The following CCDC178 variants were observed in gnomAD, a reference collection of about 807,000 sequenced individuals.
CCDC178 encodes coiled-coil domain containing 178, also known as coiled-coil domain-containing protein 178.
In CCDC178, 126 loss-of-function variants were observed where a neutral mutation model predicts 117.4. The ratio of observed to expected loss-of-function variants is 1.07; its 90% CI spans 0.93 to 1.24. The LOEUF (loss-of-function observed/expected upper bound fraction) is 1.24, where lower values mean the gene tolerates loss of function less well. Ranked by LOEUF, CCDC178 falls within the 50% of genes most tolerant of loss-of-function variation. The pLI, the probability that CCDC178 is intolerant of heterozygous loss-of-function variation, is 0.00. For synonymous variants in CCDC178, 283 were observed against 313.4 expected (o/e 0.90, Z 1.02); for missense variants, 1,030 against 986.9 (o/e 1.04, Z -0.59).
intron 21 of CCDC178, among the ~76,000 whole-genome samples, chr18:32,976,231 G>A (rs2055024816): frequency 6.6e-6 from 1 of 152,036 alleles, no homozygotes; most frequent in African/African-American, 2.4e-5. Context: ...AAAAAATTGT[G>A]TTTTCTTTAG....
intron 11 of CCDC178, among the ~76,000 whole-genome samples, chr18:33,305,022 T>C (rs1305789700): frequency 6.6e-6 from 1 of 152,202 alleles, no homozygotes; most frequent in Non-Finnish European, 1.5e-5. Context: ...TTCTGTGTTC[T>C]GCACTGCTTG....
intron 22 of CCDC178, among the ~76,000 whole-genome samples, chr18:32,944,052 G>A (rs947048394): frequency 4.6e-5 from 7 of 152,134 alleles, no homozygotes; most frequent in African/African-American, 1.7e-4. Context: ...GGCTTAAAGT[G>A]GAAAAGTAGC....
rs761380398 is a variant in CCDC178 at position 33,073,551 on chromosome 18, C to CTATCTATCTATA, written c.2388+19209_2388+19210insTATAGATAGATA. Among the ~76,000 whole-genome samples the CTATCTATCTATA allele has an allele frequency of 2.1e-4, 22 of 107,034 alleles. 1 individual carries two copies. The highest frequency in any genetic ancestry group is 1.5e-3 in the East Asian group (6 of 3,928). The allele number at this position is 107,034 out of a possible 152,430, so 70.2% of individuals were successfully genotyped here. ...TCTATCTATCTATCTATCTATCTAT[C>CTATCTATCTATA]TATATATATATCTTTGCAGACTTTC... On this transcript the variant is annotated intron_variant, in intron 21 of 22. Transcript: ENST00000383096.
intron 21 of CCDC178, among the ~76,000 whole-genome samples, chr18:33,049,390 T>C (rs2056703259): frequency 6.6e-6 from 1 of 152,198 alleles, no homozygotes; most frequent in Non-Finnish European, 1.5e-5. Flanking sequence ...ACATCTGCAT[T>C]TGATTTAATG....
intron 20 of CCDC178, among the ~76,000 whole-genome samples, chr18:33,163,903 G>A (rs2058495902): frequency 6.6e-6 from 1 of 152,014 alleles, no homozygotes; most frequent in Non-Finnish European, 1.5e-5. Flanking sequence ...AGTTAAATGC[G>A]AAAATATATT....
chr18:33,175,292 C>T (rs1407594305), intron 20 of CCDC178, among the ~76,000 whole-genome samples: 2 of 152,162 alleles, frequency 1.3e-5, no homozygotes, highest in African/African-American at 4.8e-5. Context: ...TCAACCTCCA[C>T]CAGAATAATC....
chr18:32,947,635 C>A (rs1568173480), intron 22 of CCDC178, among the ~76,000 whole-genome samples: 1 of 151,980 alleles, frequency 6.6e-6, no homozygotes, highest in Admixed American at 6.6e-5. Context: ...AGATATATCC[C>A]CTACAAATAT....
At chr18:33,414,719 G>C (rs1394902905) in intron 2 of CCDC178, among the ~76,000 whole-genome samples, 2 of 152,176 alleles carry the variant, frequency 1.3e-5, no homozygotes, top group Non-Finnish European at 2.9e-5. Flanking sequence ...TTAAACTAAA[G>C]AGTTTCTGCA....
chr18:33,177,790 A>G (rs1051625234), intron 20 of CCDC178, among the ~76,000 whole-genome samples: 7 of 152,000 alleles, frequency 4.6e-5, no homozygotes, highest in Non-Finnish European at 2.9e-5. Flanking sequence ...AATTATCTCT[A>G]GTATCTTTTA....
chr18:33,231,655 G>A (rs897608673), intron 15 of CCDC178, among the ~76,000 whole-genome samples: 2 of 152,132 alleles, frequency 1.3e-5, no homozygotes, highest in African/African-American at 2.4e-5. Context: ...AGCAAGGGGC[G>A]CTGTGTCCTG....
intron 20 of CCDC178, among the ~76,000 whole-genome samples, chr18:33,121,189 C>G (rs979547655): frequency 6.6e-6 from 1 of 152,054 alleles, no homozygotes; most frequent in African/African-American, 2.4e-5. Context: ...CTGGATGAGT[C>G]TGATTTAACC....
chr18:32,950,371 T>C (rs1345744404), intron 22 of CCDC178, among the ~76,000 whole-genome samples: 2 of 152,190 alleles, frequency 1.3e-5, no homozygotes, highest in Non-Finnish European at 2.9e-5. Context: ...GTAGGGTTCA[T>C]CTTGTTTGTT....
intron 20 of CCDC178, among the ~76,000 whole-genome samples, chr18:33,206,130 C>T (rs1050074682): frequency 1.3e-5 from 2 of 151,822 alleles, no homozygotes; most frequent in African/African-American, 2.4e-5. Context: ...AATTGCATCC[C>T]CCACCCCCCA....
At chr18:33,437,186 C>T (rs1053504957) in intron 2 of CCDC178, among the ~76,000 whole-genome samples, 1 of 152,110 alleles carries the variant, frequency 6.6e-6, no homozygotes, top group African/African-American at 2.4e-5. Context: ...TTAGACTCAA[C>T]AGTTACAATT....
At chr18:33,291,191 C>G (rs1599113969) in intron 12 of CCDC178, among the ~76,000 whole-genome samples, 1 of 151,868 alleles carries the variant, frequency 6.6e-6, no homozygotes, top group African/African-American at 2.4e-5. Context: ...ATTTCTTAAA[C>G]AAGTTCACAA....
At chr18:33,305,684 C>A (rs2062238533) in intron 11 of CCDC178, among the ~76,000 whole-genome samples, 1 of 152,166 alleles carries the variant, frequency 6.6e-6, no homozygotes, top group African/African-American at 2.4e-5. Context: ...CTCTTTCATG[C>A]CAACTTTCTT....
At chr18:33,418,506 G>T (rs2063977215) in intron 2 of CCDC178, among the ~76,000 whole-genome samples, 1 of 151,842 alleles carries the variant, frequency 6.6e-6, no homozygotes, top group African/African-American at 2.4e-5. Context: ...TCAGGCAGAA[G>T]GAATAAATAA....
chr18:32,944,595 C>T (rs901167715), intron 22 of CCDC178, among the ~76,000 whole-genome samples: 1 of 152,182 alleles, frequency 6.6e-6, no homozygotes, highest in Non-Finnish European at 1.5e-5. Flanking sequence ...GTTCTTACAG[C>T]TCTTGCGTAG....
intron 21 of CCDC178, among the ~76,000 whole-genome samples, chr18:33,025,113 T>C (rs78170403): frequency 0.021 from 3,154 of 152,236 alleles, 51 homozygotes; most frequent in African/African-American, 0.047. Context: ...ATATAAAGAA[T>C]TACAGAACAT....
Sources: gnomAD v4.1 joint callset for allele counts (sites outside exome capture counted in the v4.1 genomes callset) on GRCh38, gnomAD v4.1.1 for gene constraint, MANE v1.5 for transcripts, NCBI Gene and HGNC (gene_info 2026-07-23, HGNC 2026-07-21) for gene names.